The following ZFP64 variants were observed in gnomAD, a reference collection of about 807,000 sequenced individuals.
The protein encoded by ZFP64 is zinc finger protein 64.
ZFP64 carries 14 observed loss-of-function variants against 51.6 expected under a neutral mutation model. The ratio of observed to expected loss-of-function variants is 0.27; its 90% CI spans 0.18 to 0.42. The LOEUF (loss-of-function observed/expected upper bound fraction) is 0.42, where lower values mean the gene tolerates loss of function less well. ZFP64 is among the 10% of genes least tolerant of loss of function. ZFP64 has a pLI of 1.00. For synonymous variants in ZFP64, 375 were observed against 361.4 expected (o/e 1.04, Z -0.43); for missense variants, 754 against 906.8 (o/e 0.83, Z 2.16).
At position 52,153,943 on chromosome 20, in the gene ZFP64, T is replaced by G. The variant is rs1047972387; in HGVS notation, c.764-515A>C. ...TATATTTCATGCAGATCTTTATTAATAAAGATGTGTTTCTTGCACAAAATT... is the reference window on the plus strand; with the variant it reads ...TATATTTCATGCAGATCTTTATTAAGAAAGATGTGTTTCTTGCACAAAATT... On this transcript the variant is annotated intron_variant, in intron 5 of 5. Coordinates refer to ENST00000216923, the MANE Select transcript of ZFP64 (RefSeq NM_018197.3). The surrounding 1 kb of genome is among the most constrained non-coding windows in gnomAD (Gnocchi z 5.1). Among the ~76,000 whole-genome samples the G allele has an allele frequency of 2.0e-5, 3 of 152,236 alleles. No individual in the cohort carries two copies. The highest frequency in any genetic ancestry group is 7.2e-5 in the African/African-American group (3 of 41,456).
At chr20:52,122,443 T>C (rs1448777181) in intron 5 of ZFP64, among the ~76,000 whole-genome samples, 1 of 149,176 alleles carries the variant, frequency 6.7e-6, no homozygotes, top group Non-Finnish European at 1.5e-5. Context: ...GAGGTGGAGC[T>C]TGCAGTGAGC....
chr20:52,098,957 A>C (rs958528199), intron 5 of ZFP64, among the ~76,000 whole-genome samples: 1 of 147,896 alleles, frequency 6.8e-6, no homozygotes, highest in Non-Finnish European at 1.5e-5. Context: ...AGCCGAGATC[A>C]TGCCACTGCA....
intron 2 of ZFP64, among the ~76,000 whole-genome samples, chr20:52,184,275 TG>T (rs1190838952): frequency 2.0e-5 from 3 of 152,212 alleles, no homozygotes; most frequent in Admixed American, 2.0e-4. Context: ...GTTTTATATT[TG>T]GAAAATTTCA....
At chr20:52,186,730 A>C in intron 2 of ZFP64, 102 bp downstream of exon 2, 1 of 1,473,542 alleles carries the variant, frequency 6.8e-7, no homozygotes, top group Non-Finnish European at 9.1e-7. Context: ...CAGCAACCCT[A>C]GGGGGTGGGC....
Position 52,152,143 on chromosome 20 carries a change from GC to G in ZFP64, c.*2del. 1 of 1,607,566 alleles carries G rather than the reference GC, an allele frequency of 6.2e-7. No individual in the cohort carries two copies. Among genetic ancestry groups the G allele is most frequent in the Non-Finnish European group, 8.5e-7 (1 of 1,175,476 alleles). ...TCCCCCACTCCTTTTGTTTTTTTAAGCACTAATCTGGAATGGAGTCGGCGGG... is the reference window on the plus strand; with the variant it reads ...TCCCCCACTCCTTTTGTTTTTTTAAGACTAATCTGGAATGGAGTCGGCGGG... On this transcript the variant is annotated 3_prime_UTR_variant, in exon 6 of 6. Coordinates refer to ENST00000216923, the MANE Select transcript of ZFP64 (RefSeq NM_018197.3).
At chr20:52,164,104 C>T (rs1254029566) in intron 4 of ZFP64, among the ~76,000 whole-genome samples, 3 of 152,082 alleles carry the variant, frequency 2.0e-5, no homozygotes, top group Non-Finnish European at 4.4e-5. Flanking sequence ...TGAGTCCAGG[C>T]ATTCGAGACC....
chr20:52,117,790 A>G (rs981942711), intron 5 of ZFP64: 2 of 415,126 alleles, frequency 4.8e-6, no homozygotes, highest in Admixed American at 5.9e-5. Flanking sequence ...ACATTTTATG[A>G]TTATTATTCT....
chr20:52,130,237 A>G (rs1254548929), intron 5 of ZFP64, among the ~76,000 whole-genome samples: 2 of 152,134 alleles, frequency 1.3e-5, no homozygotes, highest in East Asian at 1.9e-4. Context: ...TGTTTTTGGC[A>G]GGATCTTGCT....
At chr20:52,133,752 G>A (rs189434052) in intron 5 of ZFP64, among the ~76,000 whole-genome samples, 1 of 152,278 alleles carries the variant, frequency 6.6e-6, no homozygotes, top group African/African-American at 2.4e-5. Context: ...AGGGCTTTTT[G>A]TCTGGGCTGG....
chr20:52,102,254 G>A (rs540169022), intron 5 of ZFP64, among the ~76,000 whole-genome samples: 10 of 152,226 alleles, frequency 6.6e-5, no homozygotes, highest in East Asian at 1.9e-4. Context: ...GTTCTCAGAC[G>A]TCAGCGTGTA....
intron 5 of ZFP64, among the ~76,000 whole-genome samples, chr20:52,109,336 G>A (rs1978425166): frequency 6.6e-6 from 1 of 151,958 alleles, no homozygotes; most frequent in Non-Finnish European, 1.5e-5. Context: ...GCTAATTTTT[G>A]TATTTTTAGT....
rs1156545584 is a variant in ZFP64, at chr20:52,144,578, C to CAAAAAAAAAAAAAAAAAAAAA, written c.763+15524_763+15544dup. The stretch of plus-strand genomic sequence containing the variant: ...CTGGTGACAGAGCGAGACTCCGTCT[C>CAAAAAAAAAAAAAAAAAAAAA]AAAAAAAAAAAAAAAAAAAAAAAAT... On this transcript the variant is annotated intron_variant, in intron 5 of 8. Coordinates refer to the ZFP64 transcript ENST00000361387. 2.0e-3 allele frequency among the ~76,000 whole-genome samples: 47 copies of CAAAAAAAAAAAAAAAAAAAAA among 23,320 alleles called. 6 individuals carry two copies. Among genetic ancestry groups the CAAAAAAAAAAAAAAAAAAAAA allele is most frequent in the African/African-American group, 4.9e-3 (27 of 5,538 alleles). 15.3% of individuals were successfully genotyped at this position (23,320 alleles called of 152,430 possible).
At chr20:52,180,907 C>A (rs980204645) in intron 2 of ZFP64, among the ~76,000 whole-genome samples, 1 of 152,096 alleles carries the variant, frequency 6.6e-6, no homozygotes, top group Non-Finnish European at 1.5e-5. Context: ...ATTACCAAAC[C>A]CTGTCCCCTG....
intron 5 of ZFP64, among the ~76,000 whole-genome samples, chr20:52,138,667 C>T (rs889724804): frequency 1.3e-5 from 2 of 151,678 alleles, no homozygotes; most frequent in Non-Finnish European, 2.9e-5. Flanking sequence ...AAAAAAAGCA[C>T]CCTGGTAATA....
At chr20:52,096,223 C>G (rs759412632) in intron 7 of ZFP64, among the ~76,000 whole-genome samples, 1 of 152,204 alleles carries the variant, frequency 6.6e-6, no homozygotes, top group African/African-American at 2.4e-5. Flanking sequence ...CCTTGGTACT[C>G]GGTGTGGCCA....
chr20:52,100,407 G>A (rs2079038575), intron 5 of ZFP64, among the ~76,000 whole-genome samples: 1 of 152,030 alleles, frequency 6.6e-6, no homozygotes, highest in Non-Finnish European at 1.5e-5. Context: ...CACCACGCCT[G>A]CCTAATTTTT....
chr20:52,093,499 G>A (rs572246427), intron 7 of ZFP64, among the ~76,000 whole-genome samples: 5 of 152,176 alleles, frequency 3.3e-5, no homozygotes, highest in Non-Finnish European at 4.4e-5. Context: ...GATCTTATAT[G>A]GGAAATGATT....
rs766205483 is a variant in ZFP64, at chr20:52,152,309, A to C, written c.1883T>G (p.Val628Gly). 4.3e-6 allele frequency: 7 copies of C among 1,614,166 alleles called. No individual in the cohort carries two copies. Among genetic ancestry groups the C allele is most frequent in the Non-Finnish European group, 5.9e-6 (7 of 1,180,024 alleles). ...NALIQEGTAE[V>G]TVVSDGGQNI... ...CTGGCCTCCATCGCTCACCACTGTC[A>C]CTTCTGCTGTCCCCTCCTGAATCAA... The change falls in exon 6 of 6, where the codon GTG (valine) becomes GGG (glycine). Residue 628 changes from valine (V) to glycine (G), a missense_variant. Physicochemically the swap from Val to Gly is moderately radical, Grantham distance 109 (BLOSUM62 -3). Coordinates refer to ENST00000216923, the MANE Select transcript of ZFP64 (RefSeq NM_018197.3).
intron 5 of ZFP64, among the ~76,000 whole-genome samples, chr20:52,101,428 G>A (rs2079049236): frequency 6.6e-6 from 1 of 152,146 alleles, no homozygotes; most frequent in South Asian, 2.1e-4. Flanking sequence ...GGAGTGCAGT[G>A]GCACCAACAT....
Sources: gnomAD v4.1 joint callset for allele counts (sites outside exome capture counted in the v4.1 genomes callset) on GRCh38, gnomAD v4.1.1 for gene constraint, Gnocchi (gnomAD v3.1) non-coding constraint, MANE v1.5 for transcripts, NCBI Gene and HGNC (gene_info 2026-07-23, HGNC 2026-07-21) for gene names.